MAU2: variants seen among roughly 807,000 people sequenced by gnomAD.
The protein encoded by MAU2 is MAU2 sister chromatid cohesion factor.
In MAU2, 9 loss-of-function variants were observed where a neutral mutation model predicts 89.1. The observed-to-expected ratio is 0.10, with a 90% confidence interval of 0.06 to 0.18. MAU2 has a LOEUF of 0.18. MAU2 is among the 10% of genes least tolerant of loss of function. The pLI is 1.00. For synonymous variants in MAU2, 357 were observed against 343.4 expected, an observed-to-expected ratio of 1.04 and a Z score of -0.44; for missense variants, 425 against 803.5, an observed-to-expected ratio of 0.53 and a Z score of 5.69.
intron 16 of MAU2, 94 bp from the exon 17 acceptor site, chr19:19,354,261 A>C: frequency 1.1e-6 from 1 of 887,970 alleles, no homozygotes; most frequent in Admixed American, 1.9e-5. Flanking sequence ...TGGGTTCAGT[A>C]GGTGGGTTCC....
chr19:19,350,331 C>T (rs571502382), intron 16 of MAU2, among the ~76,000 whole-genome samples: 42 of 148,758 alleles, frequency 2.8e-4, no homozygotes, highest in African/African-American at 9.4e-4. Context: ...GGGACAGGCA[C>T]GGTGGCTCAT....
At chr19:19,330,665 G>A (rs541652232) in intron 1 of MAU2, among the ~76,000 whole-genome samples, 8 of 152,274 alleles carry the variant, frequency 5.3e-5, no homozygotes, top group Non-Finnish European at 1.0e-4. Flanking sequence ...GCTTGAACCC[G>A]GGAGCCGGAG....
At chr19:19,336,414 C>T (rs2061597381) in intron 3 of MAU2, among the ~76,000 whole-genome samples, 1 of 152,112 alleles carries the variant, frequency 6.6e-6, no homozygotes, top group Non-Finnish European at 1.5e-5. Flanking sequence ...ATCCTCCCAC[C>T]TCAGCCTCCC....
intron 3 of MAU2, 36 bp downstream of exon 3, chr19:19,336,223 C>G (rs1408477149): frequency 6.8e-7 from 1 of 1,463,634 alleles, no homozygotes. Context: ...AGCAAAGTGT[C>G]TCTCCGTGTC....
intron 15 of MAU2, 30 bp from the exon 16 acceptor site, chr19:19,349,295 A>T (rs377265047): frequency 1.2e-6 from 2 of 1,613,938 alleles, no homozygotes; most frequent in Non-Finnish European, 1.7e-6. Flanking sequence ...CCCGTCCTGC[A>T]GTTATCAGCG....
chr19:19,337,806 A>C (rs971294352), intron 4 of MAU2, among the ~76,000 whole-genome samples: 1 of 152,060 alleles, frequency 6.6e-6, no homozygotes, highest in Non-Finnish European at 1.5e-5. Context: ...GTTCCTCCTC[A>C]TGCTCCCTTT....
At chr19:19,339,073 A>G (rs1023261472) in intron 5 of MAU2, 134 bp downstream of exon 5, 10 of 682,002 alleles carry the variant, frequency 1.5e-5, no homozygotes, top group Non-Finnish European at 2.4e-5. Flanking sequence ...AGCACTTTGG[A>G]AGGCCAAGGT....
intron 10 of MAU2, 140 bp from the exon 11 acceptor site, chr19:19,344,709 C>T (rs369748352): frequency 1.5e-4 from 103 of 670,546 alleles, no homozygotes; most frequent in South Asian, 6.9e-4. Flanking sequence ...TCATGGTGGA[C>T]GTGTCTGCTG....
chr19:19,321,233 C>G (rs1435722230), intron 1 of MAU2, 98 bp downstream of exon 1: 2 of 1,337,360 alleles, frequency 1.5e-6, no homozygotes, highest in East Asian at 3.0e-5. Context: ...CGCTCCTCGG[C>G]GACCTGGGGG....
Position 19,340,923 on chromosome 19 carries a change from G to T in MAU2, c.579+50G>T. 3 of 1,609,710 alleles carry T rather than the reference G, an allele frequency of 1.9e-6. No homozygotes were observed. In the African/African-American group the frequency reaches 4.0e-5, roughly 21 times the overall value. ...GATGCAGCTGGTGTTGTGGAGGTGA[G>T]GCAGGGCCCCCACAGAGTCTGCTCA... On this transcript the variant is annotated intron_variant, in intron 6 of 18. Transcript: ENST00000262815.
At chr19:19,336,319 A>G in intron 3 of MAU2, 132 bp downstream of exon 3, 1 of 648,300 alleles carries the variant, frequency 1.5e-6, no homozygotes, top group East Asian at 2.8e-5. Context: ...TCGGGGTGGG[A>G]GGACAGGGTC....
intron 9 of MAU2, 100 bp downstream of exon 9, chr19:19,342,966 G>T: frequency 8.1e-7 from 1 of 1,235,758 alleles, no homozygotes; most frequent in Non-Finnish European, 1.2e-6. Flanking sequence ...CTGTGTGACC[G>T]CAGCGCCCAG....
intron 1 of MAU2, among the ~76,000 whole-genome samples, chr19:19,323,732 C>T (rs1189115765): frequency 6.6e-6 from 1 of 152,130 alleles, no homozygotes; most frequent in Non-Finnish European, 1.5e-5. Flanking sequence ...CATCCACCTG[C>T]CTCAGCCTCC....
intron 16 of MAU2, among the ~76,000 whole-genome samples, chr19:19,351,037 T>C (rs2061739600): frequency 6.6e-6 from 1 of 152,040 alleles, no homozygotes; most frequent in African/African-American, 2.4e-5. Flanking sequence ...GACCCTCTTT[T>C]TTTTTAATTT....
At chr19:19,347,478 C>A in intron 13 of MAU2, 112 bp downstream of exon 13, 1 of 789,506 alleles carries the variant, frequency 1.3e-6, no homozygotes, top group Non-Finnish European at 2.1e-6. Flanking sequence ...GGGTGTTCAC[C>A]TTTTGAGGGA....
chr19:19,340,545 AGGAGAATGGCGTGAACCTG>A (rs1288838881), intron 5 of MAU2, among the ~76,000 whole-genome samples: 11 of 151,344 alleles, frequency 7.3e-5, no homozygotes, highest in African/African-American at 2.4e-4. Context: ...AGGCTGAGGC[AGGAGAATGGCGTGAACCTG>A]GGAGGCTGAG....
Position 19,345,399 on chromosome 19 carries a change from G to T in MAU2, c.1221+30G>T. 1 of 1,610,142 alleles carries T rather than the reference G, an allele frequency of 6.2e-7. No individual in the cohort carries two copies. On this transcript the variant is annotated intron_variant, in intron 12 of 18. Coordinates refer to ENST00000262815, the MANE Select transcript of MAU2 (RefSeq NM_015329.4). The surrounding 1 kb of genome is among the most constrained non-coding windows in gnomAD (Gnocchi z 4.9). ...GGTGCCGGCCCTCCTTGCTGCTCGG[G>T]GCGGGCCACACTTCTGAGTAAGGAG...
chr19:19,338,931 A>G lies in MAU2; in HGVS notation c.543A>G (p.Glu181=), dbSNP rs1479948823. Residue 181 remains glutamate (E), a synonymous_variant, in exon 5 of 19, where the codon GAA becomes GAG. Transcript: ENST00000262815. ...AGTACGCCCGGGTGGTGGGATCTGA[A>G]TACACACGGTAGGCACCCACTCCCC... is the stretch of plus-strand genomic sequence containing the variant. ...GAEYARVVGS[E]YTRALFLLSK... 1 of 1,612,598 alleles carries G rather than the reference A, an allele frequency of 6.2e-7. No homozygotes were observed. Among genetic ancestry groups the G allele is most frequent in the Admixed American group, 1.7e-5 (1 of 59,830 alleles).
At chr19:19,327,895 C>T (rs1428611697) in intron 1 of MAU2, among the ~76,000 whole-genome samples, 5 of 151,876 alleles carry the variant, frequency 3.3e-5, no homozygotes, top group Non-Finnish European at 7.4e-5. Flanking sequence ...CTGGGACTCC[C>T]CTAAGTAAAT....
Sources: gnomAD v4.1 joint callset for allele counts (sites outside exome capture counted in the v4.1 genomes callset) on GRCh38, gnomAD v4.1.1 for gene constraint, Gnocchi (gnomAD v3.1) non-coding constraint, MANE v1.5 for transcripts, NCBI Gene and HGNC (gene_info 2026-07-23, HGNC 2026-07-21) for gene names.